Variants in PTPN12 observed in about 807,000 individuals in gnomAD.
PTPN12 encodes protein tyrosine phosphatase non-receptor type 12.
PTPN12 carries 29 observed loss-of-function variants against 97.6 expected under a neutral mutation model. That is an observed-to-expected ratio of 0.30 (90% confidence interval 0.22 to 0.41). The LOEUF is 0.41. Ranked by LOEUF, PTPN12 falls within the 10% of genes least tolerant of loss-of-function variation. The pLI, the probability that PTPN12 is intolerant of heterozygous loss-of-function variation, is 1.00. For synonymous variants in PTPN12, 327 were observed against 300.4 expected (o/e 1.09, Z -0.91); for missense variants, 819 against 926.0 (o/e 0.88, Z 1.50).
chr7:77,594,214 A>G (rs962625938), intron 6 of PTPN12, among the ~76,000 whole-genome samples: 1 of 152,166 alleles, frequency 6.6e-6, no homozygotes, highest in African/African-American at 2.4e-5. Context: ...TCATCCCAGC[A>G]CTTTGGGAGG....
At chr7:77,557,033 C>T (rs1304900981) in intron 1 of PTPN12, among the ~76,000 whole-genome samples, 1 of 151,984 alleles carries the variant, frequency 6.6e-6, no homozygotes, top group African/African-American at 2.4e-5. Flanking sequence ...ACGGCACAGC[C>T]TTGGCACACT....
chr7:77,594,604 C>G (rs891499943), intron 6 of PTPN12, among the ~76,000 whole-genome samples: 4 of 152,138 alleles, frequency 2.6e-5, no homozygotes, highest in African/African-American at 9.7e-5. Flanking sequence ...CTCAATCCCC[C>G]AGGCTCAAGT....
chr7:77,588,807 G>A lies in PTPN12; in HGVS notation c.420+3226G>A, dbSNP rs1027297897. ...GGTATTTTTAAATAGGAATAAAATT[G>A]AACAAGTGGAAATACATTTTAAAAA... On this transcript the variant is annotated intron_variant, in intron 5 of 17. Transcript: ENST00000248594. Among the ~76,000 whole-genome samples the A allele has an allele frequency of 1.3e-5, 2 of 152,184 alleles. 1 individual carries two copies. The highest frequency in any genetic ancestry group is 4.1e-4 in the South Asian group (2 of 4,822).
chr7:77,564,140 A>C (rs1939736379), intron 1 of PTPN12: 2 of 195,984 alleles, frequency 1.0e-5, no homozygotes, highest in South Asian at 1.2e-4. Context: ...TGGCCTCCTA[A>C]AGTGCTGGGA....
Position 77,610,995 on chromosome 7 carries a change from A to G in PTPN12, c.888A>G (p.Lys296=). Residue 296 remains lysine, a synonymous_variant, in exon 11 of 18, where the codon AAA becomes AAG. Coordinates refer to ENST00000248594, the MANE Select transcript of PTPN12 (RefSeq NM_002835.4). ...VHRAIAQLFE[K]QLQLYEIHGA... ...GAGCTATTGCCCAACTGTTTGAAAAACAGCTACAACTATATGAAATTCATG... is the reference window on the plus strand; with the variant it reads ...GAGCTATTGCCCAACTGTTTGAAAAGCAGCTACAACTATATGAAATTCATG... 1 of 1,613,460 alleles carries G rather than the reference A, an allele frequency of 6.2e-7. No homozygotes were observed. Among genetic ancestry groups the G allele is most frequent in the Non-Finnish European group, 8.5e-7 (1 of 1,179,692 alleles).
Position 77,589,527 on chromosome 7 carries a change from C to T in PTPN12, c.421-2658C>T, listed in dbSNP as rs555999115. On this transcript the variant is annotated intron_variant, in intron 5 of 17. Coordinates refer to ENST00000248594, the MANE Select transcript of PTPN12 (RefSeq NM_002835.4). ...ATGTAGTTAATATATTTAAAATTAT[C>T]TTTAGTTTGTAAATATGTTAATTTT... 1.2e-3 allele frequency among the ~76,000 whole-genome samples: 182 copies of T among 151,968 alleles called. 3 individuals carry two copies. The highest frequency in any genetic ancestry group is 4.2e-3 in the African/African-American group (176 of 41,468).
intron 1 of PTPN12, among the ~76,000 whole-genome samples, chr7:77,570,870 G>A (rs1310729314): frequency 2.0e-5 from 3 of 152,040 alleles, no homozygotes; most frequent in Non-Finnish European, 4.4e-5. Flanking sequence ...TTCCCTCTTT[G>A]CTGCTCATGT....
At position 77,581,536 on chromosome 7, in the gene PTPN12, C is replaced by T. The variant is rs549613515; in HGVS notation, c.285+33C>T. ...CTAACTTTAAATGGTGTTTCTCTGC[C>T]ATATTAATGTCTTTCTACATACTAG... On this transcript the variant is annotated intron_variant, in intron 3 of 17. Transcript: ENST00000248594. The T allele has an allele frequency of 6.3e-5, 84 of 1,327,202 alleles. 1 individual carries two copies. In the Middle Eastern group the frequency reaches 2.8e-3, roughly 44 times the overall value. 82.2% of individuals were successfully genotyped at this position (1,327,202 alleles called of 1,614,324 possible).
At chr7:77,574,557 A>C (rs1035747300) in intron 2 of PTPN12, among the ~76,000 whole-genome samples, 1 of 152,142 alleles carries the variant, frequency 6.6e-6, no homozygotes, top group Admixed American at 6.5e-5. Context: ...GGTTGTCACA[A>C]CTGGGGTATG....
chr7:77,590,628 T>C (rs1229030164), intron 5 of PTPN12, among the ~76,000 whole-genome samples: 6 of 151,476 alleles, frequency 4.0e-5, no homozygotes, highest in Non-Finnish European at 8.8e-5. Context: ...TGGCACAATC[T>C]CAGCTCTTTG....
intron 1 of PTPN12, among the ~76,000 whole-genome samples, chr7:77,559,115 C>G (rs2151306713): frequency 6.6e-6 from 1 of 152,316 alleles, no homozygotes; most frequent in African/African-American, 2.4e-5. Context: ...GCCTGTGTAA[C>G]CAGCCTCCAA....
chr7:77,616,410 A>G (rs1788752858), intron 11 of PTPN12, among the ~76,000 whole-genome samples: 1 of 152,204 alleles, frequency 6.6e-6, no homozygotes, highest in Non-Finnish European at 1.5e-5. Flanking sequence ...AGATAATACC[A>G]TGTCCTTCTT....
At chr7:77,635,930 C>T in intron 15 of PTPN12, 81 bp downstream of exon 15, 2 of 906,222 alleles carry the variant, frequency 2.2e-6, no homozygotes, top group Non-Finnish European at 3.3e-6. Context: ...GTTGAAATAG[C>T]TGTCATCTTA....
intron 14 of PTPN12, among the ~76,000 whole-genome samples, chr7:77,634,367 C>T (rs1789510927): frequency 2.0e-5 from 3 of 152,168 alleles, no homozygotes; most frequent in East Asian, 1.9e-4. Flanking sequence ...TGTCTAAGTA[C>T]ATTTTACCAA....
chr7:77,634,021 G>C (rs1417257203), intron 14 of PTPN12, among the ~76,000 whole-genome samples: 1 of 151,968 alleles, frequency 6.6e-6, no homozygotes, highest in Non-Finnish European at 1.5e-5. Flanking sequence ...AAAAAACTTT[G>C]TCTCAAAAAA....
intron 1 of PTPN12, among the ~76,000 whole-genome samples, chr7:77,541,284 G>A (rs1806961841): frequency 6.6e-6 from 1 of 152,132 alleles, no homozygotes; most frequent in South Asian, 2.1e-4. Context: ...TAGAGACAGG[G>A]TTTCCCCATG....
At chr7:77,617,390 AT>A (rs1788788408) in intron 11 of PTPN12, among the ~76,000 whole-genome samples, 1 of 152,196 alleles carries the variant, frequency 6.6e-6, no homozygotes, top group South Asian at 2.1e-4. Context: ...AGGAAGTGAT[AT>A]GTATAAAACT....
chr7:77,627,701 A>C lies in PTPN12; in HGVS notation c.1996+26A>C, dbSNP rs771148120. The C allele has an allele frequency of 2.6e-6, 4 of 1,513,150 alleles. No individual in the cohort carries two copies. In the East Asian group the frequency reaches 6.9e-5, roughly 26 times the overall value. The allele number at this position is 1,513,150 out of a possible 1,614,324, so 93.7% of individuals were successfully genotyped here. A position where few individuals can be genotyped will look rare whatever the true frequency, so the allele number is the denominator to read the frequency against. On this transcript the variant is annotated intron_variant, in intron 13 of 17. Transcript: ENST00000248594. ...GTAATAATATAGTGTCAAATACTTA[A>C]ATGTCTTTCCTATGTGCTAGTCACT...
chr7:77,563,140 T>A (rs1808076496), intron 1 of PTPN12, among the ~76,000 whole-genome samples: 1 of 152,168 alleles, frequency 6.6e-6, no homozygotes, highest in Non-Finnish European at 1.5e-5. Context: ...ATTGGAGAGA[T>A]CTCCTTCGCT....
Sources: gnomAD v4.1 joint callset for allele counts (sites outside exome capture counted in the v4.1 genomes callset) on GRCh38, gnomAD v4.1.1 for gene constraint, MANE v1.5 for transcripts, NCBI Gene and HGNC (gene_info 2026-07-23, HGNC 2026-07-21) for gene names.